PIK3CB: variants seen among roughly 807,000 people sequenced by gnomAD.
PIK3CB encodes phosphatidylinositol 4,5-bisphosphate 3-kinase catalytic subunit beta isoform.
A neutral mutation model predicts 136.8 loss-of-function variants in PIK3CB; 39 were observed. The ratio of observed to expected loss-of-function variants is 0.29; its 90% CI spans 0.22 to 0.37. The LOEUF (loss-of-function observed/expected upper bound fraction) is 0.37. Ranked by LOEUF, PIK3CB falls within the 10% of genes least tolerant of loss-of-function variation. PIK3CB has a pLI of 1.00. For synonymous variants in PIK3CB, 428 were observed against 436.6 expected (o/e 0.98, Z 0.25); for missense variants, 868 against 1,275.4 (o/e 0.68, Z 4.87).
intron 5 of PIK3CB, among the ~76,000 whole-genome samples, 166 bp from the exon 6 acceptor site, chr3:138,738,052 A>G (rs890725989): frequency 5.9e-5 from 9 of 152,202 alleles, no homozygotes; most frequent in Non-Finnish European, 1.2e-4. Flanking sequence ...AGACAAGTTT[A>G]CTGAAAGATA....
At chr3:138,710,161 G>C (rs1408521446) in intron 10 of PIK3CB, among the ~76,000 whole-genome samples, 1 of 152,142 alleles carries the variant, frequency 6.6e-6, no homozygotes, top group Non-Finnish European at 1.5e-5. Flanking sequence ...TCCAGCCTGG[G>C]TGACAGGGTG....
chr3:138,693,681 T>G (rs1435677624), intron 14 of PIK3CB, among the ~76,000 whole-genome samples: 1 of 152,002 alleles, frequency 6.6e-6, no homozygotes, highest in East Asian at 1.9e-4. Context: ...ATTACAGGCA[T>G]AAGCCACCAC....
At chr3:138,780,612 A>G (rs1353611996) in intron 2 of PIK3CB, among the ~76,000 whole-genome samples, 1 of 150,744 alleles carries the variant, frequency 6.6e-6, no homozygotes, top group African/African-American at 2.5e-5. Context: ...TGTTACTATC[A>G]TTTCCAAAAA....
chr3:138,814,423 A>G (rs1215319347), intron 1 of PIK3CB, among the ~76,000 whole-genome samples: 1 of 151,202 alleles, frequency 6.6e-6, no homozygotes, highest in African/African-American at 2.4e-5. Context: ...GGTTGCAGTG[A>G]GCTGAGGTCA....
In PIK3CB at chr3:138,697,528, C is replaced by T. The variant is rs540611124; in HGVS notation, c.1770+1379G>A. The stretch of plus-strand genomic sequence containing the variant: ...TTGGCTCACTGCAACCTCAGCCTCC[C>T]GGGCTCGAATGATCCTCCTGTCCCA... On this transcript the variant is annotated intron_variant, in intron 13 of 23. Transcript: ENST00000674063. 3.9e-5 allele frequency among the ~76,000 whole-genome samples: 6 copies of T among 152,068 alleles called. No individual in the cohort carries two copies. In the South Asian group the frequency reaches 6.2e-4, roughly 16 times the overall value.
chr3:138,813,171 G>C (rs1384271993), intron 1 of PIK3CB, among the ~76,000 whole-genome samples: 4 of 152,002 alleles, frequency 2.6e-5, no homozygotes, highest in African/African-American at 9.7e-5. Flanking sequence ...TTCCTTTTTA[G>C]GAGGGGCTAC....
chr3:138,810,000 A>C (rs1932935093), intron 1 of PIK3CB, among the ~76,000 whole-genome samples: 1 of 152,120 alleles, frequency 6.6e-6, no homozygotes, highest in Admixed American at 6.6e-5. Flanking sequence ...GTAACTAAAA[A>C]AGTGTTCAAA....
chr3:138,758,135 T>C (rs2045605980), intron 3 of PIK3CB, among the ~76,000 whole-genome samples: 1 of 152,216 alleles, frequency 6.6e-6, no homozygotes, highest in Admixed American at 6.5e-5. Flanking sequence ...AAAAACACTA[T>C]GCTATGCAAG....
At chr3:138,774,196 T>C (rs1257450106) in intron 2 of PIK3CB, among the ~76,000 whole-genome samples, 1 of 152,212 alleles carries the variant, frequency 6.6e-6, no homozygotes, top group East Asian at 1.9e-4. Flanking sequence ...AGCAAACCAC[T>C]ATCCAGGTTA....
intron 2 of PIK3CB, among the ~76,000 whole-genome samples, chr3:138,771,138 T>C (rs1219914330): frequency 6.6e-6 from 1 of 151,986 alleles, no homozygotes; most frequent in Non-Finnish European, 1.5e-5. Context: ...AGACAACAAA[T>C]CAGCCCCAAC....
rs1028105331 is a variant in PIK3CB, at chr3:138,712,155, C to T, written c.1399+53G>A. 5 of 814,124 alleles carry T rather than the reference C, an allele frequency of 6.1e-6. 1 individual carries two copies. In the Admixed American group the frequency reaches 6.5e-5, roughly 11 times the overall value. The allele number at this position is 814,124 out of a possible 1,614,324, so 50.4% of individuals were successfully genotyped here. A position where few individuals can be genotyped will look rare whatever the true frequency, so the allele number is the denominator to read the frequency against. ...TGATTCATAAATATTACCTAGTCCA[C>T]ATGCCAAAAGTTAGTTATGCTTTAA... On this transcript the variant is annotated intron_variant, in intron 10 of 23. Transcript: ENST00000674063.
intron 1 of PIK3CB, among the ~76,000 whole-genome samples, chr3:138,819,383 T>C (rs1487313886): frequency 6.6e-6 from 1 of 151,500 alleles, no homozygotes; most frequent in Non-Finnish European, 1.5e-5. Context: ...CATATGCCAC[T>C]GGTGACATAA....
chr3:138,681,846 AAAT>A, intron 19 of PIK3CB, 118 bp downstream of exon 19: 4 of 606,836 alleles, frequency 6.6e-6, no homozygotes, highest in Non-Finnish European at 1.1e-5. Context: ...AGTGCTATAT[AAAT>A]ATTATTATGA....
At chr3:138,684,981 T>C (rs2043853870) in intron 16 of PIK3CB, 178 bp from the exon 17 acceptor site, 1 of 515,980 alleles carries the variant, frequency 1.9e-6, no homozygotes, top group Non-Finnish European at 3.4e-6. Context: ...ACAATAAACT[T>C]ATTTTTAACA....
intron 8 of PIK3CB, among the ~76,000 whole-genome samples, chr3:138,718,127 G>A (rs1352128719): frequency 6.6e-6 from 1 of 152,088 alleles, no homozygotes; most frequent in Non-Finnish European, 1.5e-5. Context: ...TTTTACAATG[G>A]TTGAACTAAT....
chr3:138,705,194 A>AAAAAAAAAAAAAAAAAAAAT (rs2044351286), intron 11 of PIK3CB, among the ~76,000 whole-genome samples: 1 of 137,898 alleles, frequency 7.3e-6, no homozygotes, highest in Non-Finnish European at 1.6e-5. Context: ...AACAAACAAA[A>AAAAAAAAAAAAAAAAAAAAT]AAAAAAACTT....
chr3:138,691,414 T>C (rs552483908), intron 14 of PIK3CB, among the ~76,000 whole-genome samples: 1 of 152,292 alleles, frequency 6.6e-6, no homozygotes, highest in Admixed American at 6.5e-5. Context: ...CTGGCTTTTG[T>C]CCCTACTCAA....
intron 1 of PIK3CB, among the ~76,000 whole-genome samples, chr3:138,808,761 TAC>T (rs569433725): frequency 6.6e-6 from 1 of 151,658 alleles, no homozygotes; most frequent in African/African-American, 2.4e-5. Context: ...TATATATATA[TAC>T]ACACACACTA....
Position 138,742,591 on chromosome 3 carries a change from C to T in PIK3CB, c.588G>A (p.Lys196=). 1 of 1,591,954 alleles carries T rather than the reference C, an allele frequency of 6.3e-7. No homozygotes were observed. The highest frequency in any genetic ancestry group is 8.6e-7 in the Non-Finnish European group (1 of 1,161,482). Residue 196 remains lysine (K), a synonymous_variant, in exon 5 of 24, where the codon AAG becomes AAA. Coordinates refer to ENST00000674063, the MANE Select transcript of PIK3CB (RefSeq NM_006219.3). ...TTTCAAAATGAACAGCTACGATGAG[C>T]TTTCCCCCATAAAGTTTATCTTCTA... The part of the protein sequence containing the change: ...ENLEDKLYGG[K]LIVAVHFENC...
Sources: gnomAD v4.1 joint callset for allele counts (sites outside exome capture counted in the v4.1 genomes callset) on GRCh38, gnomAD v4.1.1 for gene constraint, MANE v1.5 for transcripts, NCBI Gene and HGNC (gene_info 2026-07-23, HGNC 2026-07-21) for gene names.